The following CPLANE1 variants were observed in gnomAD, a reference collection of about 807,000 sequenced individuals.
CPLANE1 encodes the protein ciliogenesis and planar polarity effector 1.
In CPLANE1, 263 loss-of-function variants were observed where a neutral mutation model predicts 362.5. The observed-to-expected ratio is 0.73, with a 90% CI of 0.66 to 0.80. CPLANE1 has a LOEUF of 0.80. Ranked by LOEUF, CPLANE1 falls within the 30% of genes least tolerant of loss-of-function variation. The probability of loss-of-function intolerance (pLI) is 0.00; values close to 1 mark genes in which losing one functional copy is unlikely to be tolerated. For synonymous variants in CPLANE1, 1,212 were observed against 1,302.6 expected (o/e 0.93, Z 1.50); for missense variants, 3,461 against 3,793.4 (o/e 0.91, Z 2.30).
chr5:37,139,430 T>A (rs1015709306), intron 44 of CPLANE1, 60 bp from the exon 45 acceptor site: 235 of 1,114,870 alleles, frequency 2.1e-4, no homozygotes, highest in Non-Finnish European at 1.9e-4. Flanking sequence ...CAATTGTTAA[T>A]CTAATTTAGA....
intron 25 of CPLANE1, 120 bp from the exon 26 acceptor site, chr5:37,183,819 A>AT (rs1305430451): frequency 1.5e-6 from 1 of 650,674 alleles, no homozygotes; most frequent in East Asian, 2.9e-5. Flanking sequence ...GTGTGCCTCA[A>AT]TTACCTACAT....
intron 16 of CPLANE1, chr5:37,210,078 G>A (rs1379431247): frequency 2.5e-6 from 2 of 806,302 alleles, no homozygotes; most frequent in Non-Finnish European, 4.3e-6. Context: ...AAAAAAGTAT[G>A]AGAAGGAATT....
At chr5:37,185,178 A>G (rs1783656593) in intron 24 of CPLANE1, 99 bp from the exon 25 acceptor site, 1 of 980,358 alleles carries the variant, frequency 1.0e-6, no homozygotes, top group East Asian at 2.5e-5. Flanking sequence ...CAAGAAACCT[A>G]ACTGATGACT....
intron 46 of CPLANE1, among the ~76,000 whole-genome samples, chr5:37,132,445 C>T (rs976399462): frequency 2.0e-5 from 3 of 149,452 alleles, no homozygotes; most frequent in Admixed American, 6.7e-5. Flanking sequence ...CCCAAGTTCA[C>T]GCCATTCTCC....
the CPLANE1 span, among the ~76,000 whole-genome samples, chr5:37,086,975 T>C: frequency 2.0e-5 from 3 of 152,290 alleles, no homozygotes; most frequent in East Asian, 3.9e-4. Flanking sequence ...CAGTAAGTCA[T>C]TGGTGCCCGC....
At chr5:37,167,014 A>G (rs1402060165) in intron 35 of CPLANE1, 33 bp downstream of exon 35, 1 of 1,513,552 alleles carries the variant, frequency 6.6e-7, no homozygotes, top group South Asian at 1.2e-5. Context: ...CTGATATATG[A>G]TATTATCAAA....
the CPLANE1 span, among the ~76,000 whole-genome samples, chr5:37,090,272 T>C: frequency 6.6e-6 from 1 of 152,204 alleles, no homozygotes. Flanking sequence ...AACACTCCCC[T>C]ACAGGGTTAA....
Position 37,213,640 on chromosome 5 carries a change from C to T in CPLANE1, c.2839G>A (p.Ala947Thr). Reference sequence around the variant, plus strand: ...AGCTGCTGATTGGTGAAATAGGCAGCCATGAAACGAGCCATGGACTGGACG... The same window carrying T: ...AGCTGCTGATTGGTGAAATAGGCAGTCATGAAACGAGCCATGGACTGGACG... ...RVVQSMARFM[A>T]AYFTNQQLCI... The change falls in exon 16 of 53, where the codon GCT (alanine) becomes ACT (threonine). Residue 947 changes from alanine to threonine, a missense_variant. Transcript: ENST00000651892. The T allele has an allele frequency of 6.5e-7, 1 of 1,546,756 alleles. No individual in the cohort carries two copies. Among genetic ancestry groups the T allele is most frequent in the Non-Finnish European group, 8.7e-7 (1 of 1,143,976 alleles).
intron 6 of CPLANE1, among the ~76,000 whole-genome samples, chr5:37,242,789 G>A (rs927994026): frequency 1.3e-5 from 2 of 149,174 alleles, no homozygotes; most frequent in African/African-American, 4.9e-5. Context: ...CACTTTGGGA[G>A]GCCAAGGCAG....
At chr5:37,107,825 CAAAA>C (rs1156329977) in intron 52 of CPLANE1, 47 bp from the exon 53 acceptor site, 1 of 1,476,096 alleles carries the variant, frequency 6.8e-7, no homozygotes, top group South Asian at 1.4e-5. Flanking sequence ...TAAAAACAAA[CAAAA>C]AAACAAAAAC....
chr5:37,200,186 AT>A (rs1286551387), intron 19 of CPLANE1, among the ~76,000 whole-genome samples: 2 of 152,234 alleles, frequency 1.3e-5, no homozygotes, highest in African/African-American at 4.8e-5. Context: ...AAATGCCGTT[AT>A]TGTTTAAACC....
At chr5:37,076,974 A>ATATT in the CPLANE1 span, among the ~76,000 whole-genome samples, 1 of 151,498 alleles carries the variant, frequency 6.6e-6, no homozygotes, top group East Asian at 1.9e-4. Flanking sequence ...GGGCCAGAAA[A>ATATT]TATTTTAGGC....
chr5:37,133,082 G>A (rs1766454126), intron 46 of CPLANE1, among the ~76,000 whole-genome samples: 1 of 152,180 alleles, frequency 6.6e-6, no homozygotes, highest in Non-Finnish European at 1.5e-5. Flanking sequence ...TCAGATGGCT[G>A]TAGGTATGCA....
intron 19 of CPLANE1, among the ~76,000 whole-genome samples, chr5:37,201,247 A>G (rs1323713092): frequency 1.3e-5 from 2 of 152,216 alleles, no homozygotes. Context: ...AAAAGTCTGG[A>G]TATTAAGATT....
chr5:37,116,449 G>A (rs770119435), intron 50 of CPLANE1, among the ~76,000 whole-genome samples: 1 of 128,498 alleles, frequency 7.8e-6, no homozygotes, highest in Non-Finnish European at 1.5e-5. Context: ...TCACGCCACT[G>A]CACTCCAGTC....
rs117995360 is a variant in CPLANE1, at chr5:37,239,782, T to G, written c.765A>C (p.Gly255=). ...IPKCESVKSR[G]ALISAFSRDG... is the part of the protein sequence containing the mutation. Reference sequence around the variant, plus strand: ...CTCTTGAAAAGGCAGAAATTAGAGCTCCTCTTGACTTTACTGATTCACATT... The same window carrying G: ...CTCTTGAAAAGGCAGAAATTAGAGCGCCTCTTGACTTTACTGATTCACATT... Residue 255 remains glycine, a synonymous_variant, in exon 7 of 53, where the codon GGA becomes GGC. Coordinates refer to ENST00000651892, the MANE Select transcript of CPLANE1 (RefSeq NM_001384732.1). The G allele has an allele frequency of 1.9e-3, 2,882 of 1,546,270 alleles. 81 individuals are homozygous for G. In the East Asian group the frequency reaches 0.062, roughly 33 times the overall value.
intron 18 of CPLANE1, among the ~76,000 whole-genome samples, chr5:37,202,275 C>G (rs1218994429): frequency 6.6e-6 from 1 of 151,760 alleles, no homozygotes; most frequent in Non-Finnish European, 1.5e-5. Context: ...AATTTTCCCA[C>G]CTAAGCCTCC....
At chr5:37,228,936 C>A (rs897186169) in intron 9 of CPLANE1, among the ~76,000 whole-genome samples, 2 of 152,116 alleles carry the variant, frequency 1.3e-5, no homozygotes, top group Non-Finnish European at 2.9e-5. Context: ...GGAAGTGACA[C>A]GTTTTTCCAT....
chr5:37,104,380 C>T (rs2149825609), downstream of CPLANE1, among the ~76,000 whole-genome samples: 1 of 152,056 alleles, frequency 6.6e-6, no homozygotes, highest in East Asian at 1.9e-4. Context: ...GGCAGATCAC[C>T]TGAGGTCAGG....
Sources: allele counts gnomAD v4.1 joint callset (sites outside exome capture counted in the v4.1 genomes callset), GRCh38; gene constraint gnomAD v4.1.1; transcripts MANE v1.5; gene names NCBI Gene and HGNC (gene_info 2026-07-23, HGNC 2026-07-21).